SUN2: variants seen among roughly 807,000 people sequenced by gnomAD.
The protein encoded by SUN2 is SUN domain-containing protein 2.
Under a neutral mutation model 100.0 loss-of-function variants are expected in SUN2, and 60 were observed. That is an observed-to-expected ratio of 0.60 (90% CI 0.49 to 0.74). SUN2 has a LOEUF of 0.74. Among genes scored for constraint, SUN2 ranks in the 30% least tolerant of loss-of-function variants. The pLI, the probability that SUN2 is intolerant of heterozygous loss-of-function variation, is 0.00. For missense variants in SUN2, 834 were observed against 954.6 expected (o/e 0.87, Z 1.66); for synonymous variants, 367 against 403.3 (o/e 0.91, Z 1.08).
Position 38,748,710 on chromosome 22 carries a change from C to G in SUN2, c.685+3G>C. On this transcript the variant is annotated splice_donor_region_variant and intron_variant, in intron 7 of 17. Coordinates refer to ENST00000689035, the MANE Select transcript of SUN2 (RefSeq NM_015374.3). Reference sequence around the variant, plus strand: ...TCCCTCTGCTCTCCCCATGCAGGCTCACCATACGTCAGGCACGTCAGCAAG... The same window carrying G: ...TCCCTCTGCTCTCCCCATGCAGGCTGACCATACGTCAGGCACGTCAGCAAG... The G allele has an allele frequency of 6.2e-7, 1 of 1,614,226 alleles. No individual in the cohort carries two copies. Among genetic ancestry groups the G allele is most frequent in the Non-Finnish European group, 8.5e-7 (1 of 1,180,032 alleles).
In SUN2 at chr22:38,755,107, C is replaced by T; in HGVS notation, c.-38+656G>A. Reference sequence around the variant, plus strand: ...GGCGACTTCCTTTCTCAATTCCGCCCTTCCCCATCACAAACATCTCCATCC... The same window carrying T: ...GGCGACTTCCTTTCTCAATTCCGCCTTTCCCCATCACAAACATCTCCATCC... On this transcript the variant is annotated intron_variant, in intron 1 of 17. Coordinates refer to ENST00000689035, the MANE Select transcript of SUN2 (RefSeq NM_015374.3). The surrounding 1 kb of genome is among the most constrained non-coding windows in gnomAD (Gnocchi z 5.7). The T allele has an allele frequency of 1.4e-5, 14 of 979,638 alleles. No individual in the cohort carries two copies. The highest frequency in any genetic ancestry group is 1.9e-5 in the Non-Finnish European group (14 of 746,830). 60.7% of individuals were successfully genotyped at this position (979,638 alleles called of 1,614,324 possible). A position where few individuals can be genotyped will look rare whatever the true frequency, so the allele number is the denominator to read the frequency against.
At position 38,751,273 on chromosome 22, in the gene SUN2, C is replaced by T; in HGVS notation, c.223G>A (p.Val75Ile). The stretch of plus-strand genomic sequence containing the variant: ...CTGGGTGGGAACCAGGACTCGTGGA[C>T]CAGCGACTCACTGTAGTAGGAGGTG... The part of the protein sequence containing the change: ...AHTSYYSESL[V>I]HESWFPPRSS... Residue 75 changes from valine (V) to isoleucine (I), a missense_variant, in exon 3 of 18, where the codon GTC becomes ATC. Val to Ile is a conservative substitution (Grantham distance 29, BLOSUM62 3). Transcript: ENST00000689035. 6.2e-7 allele frequency: 1 copy of T among 1,614,128 alleles called. No homozygotes were observed. The highest frequency in any genetic ancestry group is 1.1e-5 in the South Asian group (1 of 91,082).
rs1413899314 is a variant in SUN2, at chr22:38,751,388, T to C, written c.123-15A>G. ...TCTTCAAGGTCCTGTGGGACAACCA[T>C]GAGGGCAGAGGTAGGGAGCAGGGAG... is the stretch of plus-strand genomic sequence containing the variant. On this transcript the variant is annotated splice_polypyrimidine_tract_variant and intron_variant, in intron 2 of 17. Coordinates refer to ENST00000689035, the MANE Select transcript of SUN2 (RefSeq NM_015374.3). 1.9e-6 allele frequency: 3 copies of C among 1,612,584 alleles called. No individual in the cohort carries two copies. The highest frequency in any genetic ancestry group is 1.3e-5 in the African/African-American group (1 of 74,880).
Position 38,755,741 on chromosome 22 carries a change from T to C in SUN2, c.-38+22A>G. On this transcript the variant is annotated intron_variant, in intron 1 of 17. Coordinates refer to ENST00000689035, the MANE Select transcript of SUN2 (RefSeq NM_015374.3). The surrounding 1 kb of genome is among the most constrained non-coding windows in gnomAD (Gnocchi z 5.7). ...GCCGGGCCGCGGCCCCCCAACCCTCTCCTGAGCTCGCCCGCACTCACCTGC... is the reference window on the plus strand; with the variant it reads ...GCCGGGCCGCGGCCCCCCAACCCTCCCCTGAGCTCGCCCGCACTCACCTGC... The C allele has an allele frequency of 2.0e-6, 2 of 984,860 alleles. No homozygotes were observed. Among genetic ancestry groups the C allele is most frequent in the Non-Finnish European group, 2.4e-6 (2 of 829,742 alleles). 61.0% of individuals were successfully genotyped at this position (984,860 alleles called of 1,614,324 possible).
At chr22:38,744,261 C>CAAAAA (rs35027225) in intron 8 of SUN2, among the ~76,000 whole-genome samples, 1 of 60,724 alleles carries the variant, frequency 1.6e-5, no homozygotes, top group Non-Finnish European at 3.2e-5. Flanking sequence ...GACTCTGTCT[C>CAAAAA]AAAAAAAAAA....
intron 7 of SUN2, among the ~76,000 whole-genome samples, chr22:38,746,927 G>A (rs968907073): frequency 2.6e-5 from 4 of 152,218 alleles, no homozygotes; most frequent in Admixed American, 6.5e-5. Flanking sequence ...CCAGCTACTC[G>A]GGAGGCTGAG....
intron 7 of SUN2, among the ~76,000 whole-genome samples, chr22:38,748,401 G>A (rs752702577): frequency 1.3e-5 from 2 of 152,214 alleles, no homozygotes; most frequent in Non-Finnish European, 2.9e-5. Context: ...ACTTCATCTT[G>A]TAAAAATAAC....
Position 38,740,178 on chromosome 22 carries a change from G to A in SUN2, c.1356+89C>T. ...TCTTGGGCATAACAGAGGCTGCAGG[G>A]GCAAGGGGTGCTGCTTTGCAGGCCC... On this transcript the variant is annotated intron_variant, in intron 12 of 17. Transcript: ENST00000689035. The surrounding 1 kb of genome is among the most constrained non-coding windows in gnomAD (Gnocchi z 4.8). 7.0e-7 allele frequency: 1 copy of A among 1,426,102 alleles called. No individual in the cohort carries two copies. The highest frequency in any genetic ancestry group is 1.5e-5 in the South Asian group (1 of 68,256). The allele number at this position is 1,426,102 out of a possible 1,614,324, so 88.3% of individuals were successfully genotyped here.
rs1294214922 is a variant in SUN2 at position 38,750,946 on chromosome 22, C to G, written c.376G>C (p.Asp126His). 1 of 1,614,022 alleles carries G rather than the reference C, an allele frequency of 6.2e-7. No individual in the cohort carries two copies. The highest frequency in any genetic ancestry group is 1.7e-5 in the Admixed American group (1 of 60,024). Residue 126 changes from aspartate to histidine, a missense_variant, in exon 4 of 18, where the codon GAC (aspartate) becomes CAC (histidine). Asp to His is a moderately conservative substitution (Grantham distance 81). Coordinates refer to ENST00000689035, the MANE Select transcript of SUN2 (RefSeq NM_015374.3). ...SGLVGRKATE[D>H]FLGSSSGYSS... is the part of the protein sequence containing the mutation. ...TAGCCCGAGGAAGAGCCCAGGAAGT[C>G]CTCGGTGGCCTTGCGCCCCACAAGC...
rs1349061886 is a variant in SUN2, at chr22:38,742,418, C to G, written c.951G>C (p.Gln317His). Reference protein sequence around the residue: ...RLELRQGAPGQGGGGGLSHED... With the variant: ...RLELRQGAPGHGGGGGLSHED... ...CGTGGCTCAGGCCACCACCACCTCC[C>G]TGGCCAGGAGCCCCTTGCCGCAGCT... is the stretch of plus-strand genomic sequence containing the variant. Residue 317 changes from glutamine (Q) to histidine (H), a missense_variant, in exon 9 of 18, where the codon CAG (glutamine) becomes CAC (histidine). Gln to His is a conservative substitution (Grantham distance 24, BLOSUM62 0). Around this residue, in one of 3 missense-constraint regions of SUN2, gnomAD observed 559 missense variants for 597.7 expected, o/e 0.94. Transcript: ENST00000689035. 2 of 1,613,436 alleles carry G rather than the reference C, an allele frequency of 1.2e-6. No homozygotes were observed. Among genetic ancestry groups the G allele is most frequent in the Non-Finnish European group, 1.7e-6 (2 of 1,179,998 alleles).
rs1238336255 is a variant in SUN2, at chr22:38,738,005, G to A, written c.2040+168C>T. On this transcript the variant is annotated intron_variant, in intron 17 of 17. Transcript: ENST00000689035. The surrounding 1 kb of genome is among the most constrained non-coding windows in gnomAD (Gnocchi z 6.6). Reference sequence around the variant, plus strand: ...GGTGCCTTCCCCTGTGCTGACGTCTGCAGGATGCGTGTTACACCCCATTTG... The same window carrying A: ...GGTGCCTTCCCCTGTGCTGACGTCTACAGGATGCGTGTTACACCCCATTTG... 1.4e-6 allele frequency: 1 copy of A among 729,712 alleles called. No individual in the cohort carries two copies. Among genetic ancestry groups the A allele is most frequent in the Non-Finnish European group, 2.5e-6 (1 of 396,664 alleles). The allele number at this position is 729,712 out of a possible 1,614,324, so 45.2% of individuals were successfully genotyped here. A position where few individuals can be genotyped will look rare whatever the true frequency, so the allele number is the denominator to read the frequency against.
chr22:38,749,692 C>T, intron 6 of SUN2, 74 bp downstream of exon 6: 1 of 1,368,616 alleles, frequency 7.3e-7, no homozygotes. Context: ...TCGACCATTA[C>T]AGGTTGACAC....
chr22:38,747,254 C>T (rs540736458), intron 7 of SUN2, among the ~76,000 whole-genome samples: 1 of 151,902 alleles, frequency 6.6e-6, no homozygotes, highest in Non-Finnish European at 1.5e-5. Context: ...ATCGCTTGAA[C>T]CCGGGAGGTG....
Position 38,745,628 on chromosome 22 carries a change from T to C in SUN2, c.813+56A>G. On this transcript the variant is annotated intron_variant, in intron 8 of 17. Coordinates refer to ENST00000689035, the MANE Select transcript of SUN2 (RefSeq NM_015374.3). ...CAGGCTGAGGGCGCACCCACCACTTTCACCGTCACCTAATTATTGCTAAGC... is the reference window on the plus strand; with the variant it reads ...CAGGCTGAGGGCGCACCCACCACTTCCACCGTCACCTAATTATTGCTAAGC... The C allele has an allele frequency of 1.9e-6, 3 of 1,599,218 alleles. No individual in the cohort carries two copies. In the Admixed American group the frequency reaches 5.0e-5, roughly 27 times the overall value.
rs761363507 is a variant in SUN2 at position 38,742,393 on chromosome 22, C to T, written c.976G>A (p.Glu326Lys). 1.3e-5 allele frequency: 21 copies of T among 1,613,224 alleles called. No individual in the cohort carries two copies. Among genetic ancestry groups the T allele is most frequent in the South Asian group, 7.7e-5 (7 of 91,088 alleles). ...GQGGGGGLSH[E>K]DTLALLEGLV... Reference sequence around the variant, plus strand: ...CCCTCCAGCAGCGCCAGGGTGTCCTCGTGGCTCAGGCCACCACCACCTCCC... The same window carrying T: ...CCCTCCAGCAGCGCCAGGGTGTCCTTGTGGCTCAGGCCACCACCACCTCCC... Residue 326 changes from glutamate to lysine, a missense_variant, in exon 9 of 18, where the codon GAG (glutamate) becomes AAG (lysine). This residue lies in a region of SUN2 where 559 missense variants were observed against 597.7 expected (regional missense o/e 0.94). Transcript: ENST00000689035.
At chr22:38,736,935 C>T (rs1173017888) in intron 17 of SUN2, 3 of 152,424 alleles carry the variant, frequency 2.0e-5, no homozygotes, top group Non-Finnish European at 4.4e-5. Context: ...CCTCAACCTT[C>T]TGGGCTCAAG....
In SUN2 at chr22:38,738,310, G is replaced by A; in HGVS notation, c.1948-45C>T. ...AAGTGGGGAGGGGCTGGAGCAGGGA[G>A]AACACCCCTCCCCACTCCAATCCCT... On this transcript the variant is annotated intron_variant, in intron 16 of 17. Coordinates refer to ENST00000689035, the MANE Select transcript of SUN2 (RefSeq NM_015374.3). This position sits in a 1 kb window ranked among gnomAD's most constrained non-coding sequence, Gnocchi z 6.6. 6.6e-7 allele frequency: 1 copy of A among 1,521,012 alleles called. No homozygotes were observed. The allele number at this position is 1,521,012 out of a possible 1,614,324, so 94.2% of individuals were successfully genotyped here.
intron 9 of SUN2, among the ~76,000 whole-genome samples, chr22:38,742,043 T>G (rs1183309264): frequency 6.6e-6 from 1 of 150,900 alleles, no homozygotes; most frequent in Non-Finnish European, 1.5e-5. Context: ...GGAGGCTGAG[T>G]GAGGCAAGAG....
At chr22:38,752,128 C>T (rs1472870143) in intron 2 of SUN2, among the ~76,000 whole-genome samples, 3 of 152,178 alleles carry the variant, frequency 2.0e-5, no homozygotes, top group African/African-American at 7.2e-5. Context: ...CTGCCTGCCA[C>T]CATGCCGGGC....
Sources: gnomAD v4.1 joint callset for allele counts (sites outside exome capture counted in the v4.1 genomes callset) on GRCh38, gnomAD v4.1.1 for gene constraint, gnomAD v4.1.1 regional missense constraint, Gnocchi (gnomAD v3.1) non-coding constraint, MANE v1.5 for transcripts, NCBI Gene and HGNC (gene_info 2026-07-23, HGNC 2026-07-21) for gene names.